Variants in FAT1 observed in about 807,000 individuals in gnomAD.
The protein encoded by FAT1 is FAT atypical cadherin 1.
Under a neutral mutation model 329.8 loss-of-function variants are expected in FAT1, and 171 were observed. The ratio of observed to expected loss-of-function variants is 0.52; its 90% CI spans 0.46 to 0.59. The LOEUF (loss-of-function observed/expected upper bound fraction) is 0.59, where lower values mean the gene tolerates loss of function less well. Ranked by LOEUF, FAT1 falls within the 20% of genes least tolerant of loss-of-function variation. The pLI, the probability that FAT1 is intolerant of heterozygous loss-of-function variation, is 0.00. For synonymous variants in FAT1, 2,233 were observed against 2,228.6 expected (o/e 1.00, Z -0.06); for missense variants, 5,672 against 5,774.4 (o/e 0.98, Z 0.57).
intron 3 of FAT1, among the ~76,000 whole-genome samples, chr4:186,661,701 T>C (rs536991682): frequency 6.6e-6 from 1 of 152,158 alleles, no homozygotes; most frequent in African/African-American, 2.4e-5. Context: ...AGTGTTTCCC[T>C]GGGTTCTGTG....
In FAT1 at chr4:186,603,354, T is replaced by C. The variant is rs1738915115; in HGVS notation, c.11172A>G (p.Glu3724=). ...KINSSVTDIE[E]IIGVRILNVF... ...CATTCAGTATCCTAACTCCAATGAT[T>C]TCCTCAATGTCAGTCACGGAAGAGT... Residue 3724 remains glutamate, a synonymous_variant, in exon 19 of 27, where the codon GAA becomes GAG. Transcript: ENST00000441802. The C allele has an allele frequency of 6.2e-7, 1 of 1,614,006 alleles. No individual in the cohort carries two copies. The highest frequency in any genetic ancestry group is 8.5e-7 in the Non-Finnish European group (1 of 1,179,888).
chr4:186,691,925 AC>A (rs201644083), intron 2 of FAT1, among the ~76,000 whole-genome samples: 1,852 of 151,328 alleles, frequency 0.012, 42 homozygotes, highest in African/African-American at 0.044. Flanking sequence ...TACTGTGGCT[AC>A]TATTTTTTTT....
In FAT1 at chr4:186,707,650, T is replaced by C. The variant is rs1467768583; in HGVS notation, c.2178A>G (p.Val726=). 2 of 1,613,884 alleles carry C rather than the reference T, an allele frequency of 1.2e-6. No individual in the cohort carries two copies. The highest frequency in any genetic ancestry group is 1.3e-5 in the African/African-American group (1 of 74,928). The change falls in exon 2 of 27, where the codon GTA becomes GTG. Residue 726 remains valine, a synonymous_variant. Transcript: ENST00000441802. ...TGGAACCCACAGGCTGGTTTTCCTT[T>C]ACCTGAATACCAGTCGGAAGAGTGC... ...FRSTLPTGIQ[V]KENQPVGSSV...
chr4:186,699,240 CTACA>C (rs1200674145), intron 2 of FAT1, among the ~76,000 whole-genome samples: 1 of 151,990 alleles, frequency 6.6e-6, no homozygotes, highest in Non-Finnish European at 1.5e-5. Context: ...TCTTCAGAAA[CTACA>C]TAAATAGCTG....
chr4:186,618,093 G>T lies in FAT1; in HGVS notation c.8493C>A (p.Ile2831=). Residue 2831 remains isoleucine, a synonymous_variant, in exon 10 of 27, where the codon ATC becomes ATA. Transcript: ENST00000441802. ...TTCCTGAGTCAGCATCAGATGCCCTGATCTGAATTACTCTACTTCCCCCTG... is the reference window on the plus strand; with the variant it reads ...TTCCTGAGTCAGCATCAGATGCCCTTATCTGAATTACTCTACTTCCCCCTG... ...NLPGGSRVIQ[I]RASDADSGTN... is the part of the protein sequence containing the mutation. The T allele has an allele frequency of 6.2e-7, 1 of 1,613,994 alleles. No homozygotes were observed. The highest frequency in any genetic ancestry group is 8.5e-7 in the Non-Finnish European group (1 of 1,179,880).
rs755693458 is a variant in FAT1 at position 186,599,911 on chromosome 4, C to G, written c.12090G>C (p.Pro4030=). 6 of 1,610,174 alleles carry G rather than the reference C, an allele frequency of 3.7e-6. No homozygotes were observed. The highest frequency in any genetic ancestry group is 5.1e-6 in the Non-Finnish European group (6 of 1,177,336). ...NPCQNGGVCN[P]SPAGGYYCKC... ...TACGGAGCCCACCTCCAGCAGGTGA[C>G]GGATTGCAAACGCCTCCATTCTGGC... The change falls in exon 22 of 27, where the codon CCG becomes CCC. Residue 4030 remains proline (P), a synonymous_variant. Coordinates refer to ENST00000441802, the MANE Select transcript of FAT1 (RefSeq NM_005245.4).
At chr4:186,726,372 G>C (rs1053322847), upstream of FAT1, 9 of 152,210 alleles carry the variant, frequency 5.9e-5, no homozygotes, top group Non-Finnish European at 1.0e-4. Flanking sequence ...CCGAGTCCTC[G>C]GCCCTGGGCT....
chr4:186,680,451 T>G (rs750076041), intron 2 of FAT1, among the ~76,000 whole-genome samples: 1 of 152,182 alleles, frequency 6.6e-6, no homozygotes. Context: ...CGACCGTTTC[T>G]GTAACATTTC....
intron 2 of FAT1, among the ~76,000 whole-genome samples, chr4:186,672,234 GACC>G (rs895054830): frequency 6.6e-6 from 1 of 152,106 alleles, no homozygotes; most frequent in African/African-American, 2.4e-5. Flanking sequence ...AATTGCTAGA[GACC>G]ACTTCTATAA....
chr4:186,670,217 G>A (rs1742668539), intron 2 of FAT1, among the ~76,000 whole-genome samples: 1 of 152,024 alleles, frequency 6.6e-6, no homozygotes, highest in Non-Finnish European at 1.5e-5. Flanking sequence ...CAACAACCCA[G>A]CAACACAAAT....
chr4:186,603,191 C>T lies in FAT1; in HGVS notation c.11335G>A (p.Val3779Met), dbSNP rs1299550339. Residue 3779 changes from valine (V) to methionine (M), a missense_variant, in exon 19 of 27, where the codon GTG becomes ATG. Transcript: ENST00000441802. ...FVTPRHHRAA[V>M]CLCKEGRCPP... ...TGTGCAGTACCTTTGCAGAGACACA[C>T]CGCTGCCCTGTGGTGGCGGGGAGTC... 5 of 1,613,618 alleles carry T rather than the reference C, an allele frequency of 3.1e-6. No homozygotes were observed. The African/African-American group carries it at 6.7e-5, about 22-fold the overall frequency.
chr4:186,671,008 G>A (rs139022379), intron 2 of FAT1, among the ~76,000 whole-genome samples: 1 of 152,222 alleles, frequency 6.6e-6, no homozygotes, highest in East Asian at 1.9e-4. Flanking sequence ...GGGGCAGGGA[G>A]CAGGGAGTTA....
chr4:186,667,734 G>A (rs1742524682), intron 2 of FAT1, among the ~76,000 whole-genome samples: 1 of 152,180 alleles, frequency 6.6e-6, no homozygotes, highest in African/African-American at 2.4e-5. Flanking sequence ...CATGGAAGTT[G>A]CATGATTTTC....
At chr4:186,617,468 T>A (rs970948096) in intron 10 of FAT1, among the ~76,000 whole-genome samples, 39 of 152,284 alleles carry the variant, frequency 2.6e-4, no homozygotes, top group Admixed American at 7.8e-4. Context: ...ACACTAAGTA[T>A]AAGGTTCAAA....
At chr4:186,627,074 C>T (rs28491697) in intron 9 of FAT1, among the ~76,000 whole-genome samples, 4 of 97,434 alleles carry the variant, frequency 4.1e-5, no homozygotes, top group Admixed American at 1.1e-4. Context: ...GTGAGCTTCA[C>T]CAGCCCACAG....
At position 186,588,589 on chromosome 4, in the gene FAT1, G is replaced by A. The variant is rs117860756; in HGVS notation, c.*3C>T. 2.7e-5 allele frequency: 44 copies of A among 1,605,888 alleles called. No homozygotes were observed. The East Asian group carries it at 8.9e-4, about 33-fold the overall frequency. On this transcript the variant is annotated 3_prime_UTR_variant, in exon 27 of 27. Coordinates refer to ENST00000441802, the MANE Select transcript of FAT1 (RefSeq NM_005245.4). ...AGTCAGGCACTTTGGGGGGAGTTGA[G>A]AGTCAGACTTCCGTGTGCTGCTGGG...
At chr4:186,686,138 TG>T (rs1177872651) in intron 2 of FAT1, among the ~76,000 whole-genome samples, 15 of 152,130 alleles carry the variant, frequency 9.9e-5, no homozygotes, top group African/African-American at 3.4e-4. Flanking sequence ...TACTTCCAGA[TG>T]ATTAAAGATG....
chr4:186,635,973 G>C, intron 6 of FAT1, 52 bp downstream of exon 6: 1 of 1,499,860 alleles, frequency 6.7e-7, no homozygotes, highest in Non-Finnish European at 9.3e-7. Context: ...CCGTATGCAG[G>C]TTCTCCTCAG....
At chr4:186,689,096 G>A (rs77842828) in intron 2 of FAT1, among the ~76,000 whole-genome samples, 4,156 of 152,264 alleles carry the variant, frequency 0.027, 190 homozygotes, top group African/African-American at 0.096. Context: ...TAGCAATTGT[G>A]GAAGCCCACA....
Sources: allele counts gnomAD v4.1 joint callset (sites outside exome capture counted in the v4.1 genomes callset), GRCh38; gene constraint gnomAD v4.1.1; transcripts MANE v1.5; gene names NCBI Gene and HGNC (gene_info 2026-07-23, HGNC 2026-07-21).